Variants in MYH9 observed in about 807,000 individuals in gnomAD.
MYH9 encodes the protein myosin heavy chain 9.
Under a neutral mutation model 241.9 loss-of-function variants are expected in MYH9, and 29 were observed. That is an observed-to-expected ratio of 0.12 (90% CI 0.09 to 0.16). The LOEUF (loss-of-function observed/expected upper bound fraction) is 0.16, where lower values mean the gene tolerates loss of function less well. Among genes scored for constraint, MYH9 ranks in the 10% least tolerant of loss-of-function variants. The probability of loss-of-function intolerance (pLI) is 1.00; values close to 1 mark genes in which losing one functional copy is unlikely to be tolerated. For synonymous variants in MYH9, 1,047 were observed against 1,062.6 expected (o/e 0.99, Z 0.29); for missense variants, 1,803 against 2,595.5 (o/e 0.69, Z 6.63).
chr22:36,318,708 AGAG>A (rs1265971139), intron 10 of MYH9, among the ~76,000 whole-genome samples: 1 of 151,910 alleles, frequency 6.6e-6, no homozygotes, highest in East Asian at 1.9e-4. Context: ...AATGGGGCTG[AGAG>A]GAGCAGGCCA....
chr22:36,380,622 T>C (rs1427606695), intron 1 of MYH9, among the ~76,000 whole-genome samples: 1 of 152,000 alleles, frequency 6.6e-6, no homozygotes, highest in Non-Finnish European at 1.5e-5. Flanking sequence ...GTGCCTATAA[T>C]CCCAGCTACT....
intron 5 of MYH9, 44 bp downstream of exon 5, chr22:36,326,524 A>G: frequency 1.3e-6 from 2 of 1,544,256 alleles, no homozygotes; most frequent in Non-Finnish European, 1.8e-6. Flanking sequence ...TCATCCCACC[A>G]AGGCCAAGCA....
At chr22:36,343,995 G>A (rs1222717356) in intron 2 of MYH9, among the ~76,000 whole-genome samples, 1 of 152,268 alleles carries the variant, frequency 6.6e-6, no homozygotes, top group Non-Finnish European at 1.5e-5. Flanking sequence ...AGCTGGTGCT[G>A]ACAGCAGAAG....
chr22:36,283,131 C>T (rs1225956672), intron 40 of MYH9, among the ~76,000 whole-genome samples: 1 of 152,118 alleles, frequency 6.6e-6, no homozygotes. Context: ...CCGGTGAAAC[C>T]AAGACAGGTA....
chr22:36,350,462 A>G (rs573713860), intron 1 of MYH9, among the ~76,000 whole-genome samples: 3 of 152,312 alleles, frequency 2.0e-5, no homozygotes, highest in Non-Finnish European at 4.4e-5. Flanking sequence ...ACTTGAACCC[A>G]GGAGGCGGGG....
At position 36,281,559 on chromosome 22, in the gene MYH9, CAGTT is replaced by C. The variant is rs755169518; in HGVS notation, c.*1105_*1108del. ...AAGTCTCAATGCAGCATATACAAAA[CAGTT>C]AGGAATACAAGTAAATTCGGCAACC... On this transcript the variant is annotated 3_prime_UTR_variant, in exon 41 of 41. Coordinates refer to ENST00000216181, the MANE Select transcript of MYH9 (RefSeq NM_002473.6). 97 of 228,156 alleles carry C rather than the reference CAGTT, an allele frequency of 4.3e-4. No individual in the cohort carries two copies. The highest frequency in any genetic ancestry group is 6.6e-4 in the Non-Finnish European group (76 of 114,934). 14.1% of individuals were successfully genotyped at this position (228,156 alleles called of 1,614,324 possible).
intron 31 of MYH9, among the ~76,000 whole-genome samples, chr22:36,290,291 G>A (rs2016665159): frequency 6.8e-6 from 1 of 146,466 alleles, no homozygotes; most frequent in Admixed American, 6.8e-5. Flanking sequence ...CTTGAGCTGT[G>A]GTTGCACCAC....
At chr22:36,365,355 G>C (rs183344715) in intron 1 of MYH9, among the ~76,000 whole-genome samples, 2 of 152,356 alleles carry the variant, frequency 1.3e-5, no homozygotes, top group Non-Finnish European at 2.9e-5. Flanking sequence ...GGCTGAACAT[G>C]CAGCTCAGCT....
intron 1 of MYH9, among the ~76,000 whole-genome samples, chr22:36,353,647 C>T (rs2017807740): frequency 2.0e-5 from 3 of 152,122 alleles, no homozygotes; most frequent in South Asian, 4.1e-4. Flanking sequence ...AGCCACTGTG[C>T]CCAGGTGAAA....
chr22:36,292,298 C>T, intron 30 of MYH9, 64 bp from the exon 31 acceptor site: 1 of 1,607,298 alleles, frequency 6.2e-7, no homozygotes, highest in East Asian at 2.2e-5. Flanking sequence ...CACACCCGTC[C>T]CTGGGGCAGC....
rs989772413 is a variant in MYH9 at position 36,327,318 on chromosome 22, C to T, written c.518+143G>A. The T allele has an allele frequency of 4.2e-5, 38 of 908,108 alleles. No individual in the cohort carries two copies. In the Admixed American group the frequency reaches 6.3e-4, roughly 15 times the overall value. 56.3% of individuals were successfully genotyped at this position (908,108 alleles called of 1,614,324 possible). A position where few individuals can be genotyped will look rare whatever the true frequency, so the allele number is the denominator to read the frequency against. ...AGTAGCAAACACACAAACTGAAGTC[C>T]TATCCCTTGGAGAAGTGGAGGAGGG... On this transcript the variant is annotated intron_variant, in intron 4 of 40. Coordinates refer to ENST00000216181, the MANE Select transcript of MYH9 (RefSeq NM_002473.6).
At chr22:36,316,198 C>T (rs1028683933) in intron 12 of MYH9, among the ~76,000 whole-genome samples, 4 of 151,846 alleles carry the variant, frequency 2.6e-5, no homozygotes, top group East Asian at 1.9e-4. Context: ...CCACCACGCC[C>T]GGCTAATGTA....
At chr22:36,298,531 T>C (rs1398048151) in intron 24 of MYH9, among the ~76,000 whole-genome samples, 2 of 152,200 alleles carry the variant, frequency 1.3e-5, no homozygotes, top group Non-Finnish European at 2.9e-5. Context: ...GCTTAAGTCA[T>C]AGCTGCAAGA....
At chr22:36,286,025 C>A (rs554591316) in intron 35 of MYH9, 72 bp from the exon 36 acceptor site, 2 of 1,552,448 alleles carry the variant, frequency 1.3e-6, no homozygotes, top group East Asian at 2.3e-5. Context: ...CAGCCCCAGG[C>A]ACCCTCCCCT....
intron 1 of MYH9, among the ~76,000 whole-genome samples, chr22:36,350,134 A>G (rs925324533): frequency 3.9e-5 from 6 of 152,264 alleles, no homozygotes. Context: ...GAATGCTAAG[A>G]GTGCTTCCCT....
chr22:36,364,495 T>C (rs1387985421), intron 1 of MYH9, among the ~76,000 whole-genome samples: 1 of 152,142 alleles, frequency 6.6e-6, no homozygotes, highest in Non-Finnish European at 1.5e-5. Context: ...TCCACATGAC[T>C]ATGGTGTGGC....
intron 1 of MYH9, among the ~76,000 whole-genome samples, chr22:36,382,462 G>A (rs750361109): frequency 2.6e-4 from 39 of 151,720 alleles, no homozygotes; most frequent in Non-Finnish European, 4.7e-4. Flanking sequence ...GCAACAGAGC[G>A]AGACTCAGTC....
chr22:36,337,673 A>G (rs955141779), intron 3 of MYH9, among the ~76,000 whole-genome samples: 1 of 152,212 alleles, frequency 6.6e-6, no homozygotes, highest in African/African-American at 2.4e-5. Flanking sequence ...GCACAAAAGG[A>G]ACTTTCCGGC....
In MYH9 at chr22:36,288,373, T is replaced by C; in HGVS notation, c.4811A>G (p.Gln1604Arg). The C allele has an allele frequency of 6.2e-7, 1 of 1,613,490 alleles. No individual in the cohort carries two copies. Among genetic ancestry groups the C allele is most frequent in the Non-Finnish European group, 8.5e-7 (1 of 1,180,032 alleles). ...MEAELEDERK[Q>R]RSMAVAARKK... Reference sequence around the variant, plus strand: ...CCGGGCGGCCACTGCCATCGAGCGCTGCTTCCTCTCGTCCTCCAGCTCTGC... The same window carrying C: ...CCGGGCGGCCACTGCCATCGAGCGCCGCTTCCTCTCGTCCTCCAGCTCTGC... The change falls in exon 34 of 41, where the codon CAG becomes CGG. Residue 1604 changes from glutamine to arginine, a missense_variant. By Grantham distance (43) the Gln-to-Arg change is conservative. This residue lies in a region of MYH9 where 876 missense variants were observed against 1,077.8 expected (regional missense o/e 0.81). Coordinates refer to ENST00000216181, the MANE Select transcript of MYH9 (RefSeq NM_002473.6). The surrounding 1 kb of genome is among the most constrained non-coding windows in gnomAD (Gnocchi z 4.8).
Sources: allele counts gnomAD v4.1 joint callset (sites outside exome capture counted in the v4.1 genomes callset), GRCh38; gene constraint gnomAD v4.1.1; regional missense constraint gnomAD v4.1.1; non-coding constraint Gnocchi (gnomAD v3.1); transcripts MANE v1.5; gene names NCBI Gene and HGNC (gene_info 2026-07-23, HGNC 2026-07-21).